Variants in MCCC1 observed in about 807,000 individuals in gnomAD.
MCCC1 encodes the protein methylcrotonyl-CoA carboxylase subunit 1, also known as methylcrotonoyl-CoA carboxylase subunit alpha, mitochondrial.
A neutral mutation model predicts 83.8 loss-of-function variants in MCCC1; 64 were observed. That is an observed-to-expected ratio of 0.76 (90% CI 0.62 to 0.94). The LOEUF is 0.94. MCCC1 is among the 40% of genes least tolerant of loss of function. MCCC1 has a pLI of 0.00. For missense variants in MCCC1, 807 were observed against 904.7 expected, an observed-to-expected ratio of 0.89 and a Z score of 1.39; for synonymous variants, 322 against 315.4, an observed-to-expected ratio of 1.02 and a Z score of -0.22.
At chr3:183,097,739 A>T (rs1718843825) in intron 1 of MCCC1, among the ~76,000 whole-genome samples, 1 of 152,172 alleles carries the variant, frequency 6.6e-6, no homozygotes, top group East Asian at 1.9e-4. Flanking sequence ...TAACAACTCT[A>T]ACACTCTCCA....
intron 11 of MCCC1, among the ~76,000 whole-genome samples, chr3:183,040,556 CAAAAAAA>C (rs59767617): frequency 1.8e-5 from 2 of 112,592 alleles, no homozygotes; most frequent in African/African-American, 7.0e-5. Flanking sequence ...ACTAAAAATA[CAAAAAAA>C]AAAAAAAAAA....
At chr3:183,017,700 A>G (rs1711775846) in intron 17 of MCCC1, 1 of 277,420 alleles carries the variant, frequency 3.6e-6, no homozygotes, top group Admixed American at 5.0e-5. Flanking sequence ...TGGTCAAATC[A>G]GAGGCTTACA....
intron 9 of MCCC1, among the ~76,000 whole-genome samples, chr3:183,048,420 T>C (rs1054648888): frequency 6.6e-6 from 1 of 152,156 alleles, no homozygotes; most frequent in African/African-American, 2.4e-5. Flanking sequence ...AGACTTAAAG[T>C]AAAAACAGAC....
At chr3:183,058,288 T>TCC (rs950867074) in intron 7 of MCCC1, among the ~76,000 whole-genome samples, 1 of 152,118 alleles carries the variant, frequency 6.6e-6, no homozygotes, top group African/African-American at 2.4e-5. Context: ...ACCATTAGTA[T>TCC]CTCAGAAATA....
At chr3:183,095,581 C>T (rs1374329243) in intron 1 of MCCC1, among the ~76,000 whole-genome samples, 4 of 152,130 alleles carry the variant, frequency 2.6e-5, no homozygotes, top group African/African-American at 7.2e-5. Flanking sequence ...CATTATTACT[C>T]TCCTAATGAG....
chr3:183,020,068 A>G, intron 17 of MCCC1, 62 bp downstream of exon 17: 1 of 1,264,998 alleles, frequency 7.9e-7, no homozygotes, highest in Middle Eastern at 1.9e-4. Context: ...ATAAATGACA[A>G]GTTTAACAAA....
chr3:183,041,129 TG>T (rs1226494290), intron 11 of MCCC1, among the ~76,000 whole-genome samples: 1 of 152,272 alleles, frequency 6.6e-6, no homozygotes, highest in Admixed American at 6.5e-5. Flanking sequence ...TATGCTGAAC[TG>T]TGATAGCTCT....
intron 18 of MCCC1, chr3:183,017,034 T>C (rs1479768858): frequency 3.0e-5 from 17 of 561,932 alleles, no homozygotes; most frequent in Non-Finnish European, 4.4e-5. Context: ...TTCCAAGCTA[T>C]TGATAATTTC....
chr3:183,051,877 T>TA (rs1219978784), intron 9 of MCCC1, among the ~76,000 whole-genome samples: 1 of 151,992 alleles, frequency 6.6e-6, no homozygotes, highest in Non-Finnish European at 1.5e-5. Flanking sequence ...CATAAAGAAG[T>TA]AAAAAAATCA....
At chr3:183,083,181 G>A (rs1272649550) in intron 4 of MCCC1, among the ~76,000 whole-genome samples, 1 of 152,140 alleles carries the variant, frequency 6.6e-6, no homozygotes, top group Non-Finnish European at 1.5e-5. Flanking sequence ...CTATACAAGT[G>A]TTATTCAATG....
upstream of MCCC1, among the ~76,000 whole-genome samples, chr3:183,104,043 C>T (rs527930212): frequency 7.2e-5 from 11 of 152,138 alleles, no homozygotes; most frequent in Non-Finnish European, 1.5e-4. Flanking sequence ...ACTCCGAGTG[C>T]GAGGCCCACC....
intron 7 of MCCC1, among the ~76,000 whole-genome samples, chr3:183,062,709 A>T (rs1181397230): frequency 6.6e-6 from 1 of 152,168 alleles, no homozygotes; most frequent in African/African-American, 2.4e-5. Flanking sequence ...TTATAAGGGA[A>T]GTTCAGTGAA....
At chr3:183,054,059 T>C (rs998198120) in intron 8 of MCCC1, among the ~76,000 whole-genome samples, 5 of 147,862 alleles carry the variant, frequency 3.4e-5, no homozygotes, top group African/African-American at 1.3e-4. Context: ...TTTTTATATT[T>C]TTAGTAAAGG....
Position 183,025,676 on chromosome 3 carries a change from CAG to C in MCCC1, c.1731+77_1731+78del. On this transcript the variant is annotated intron_variant, in intron 15 of 18. Transcript: ENST00000265594. ...TAATAGTCAAAGGCTTAAGGGAAAC[CAG>C]AGAGTGAAAGACCCTATTCAGTATA... The C allele has an allele frequency of 4.0e-6, 5 of 1,261,922 alleles. No homozygotes were observed. The South Asian group carries it at 6.0e-5, about 15-fold the overall frequency. The allele number at this position is 1,261,922 out of a possible 1,614,324, so 78.2% of individuals were successfully genotyped here.
chr3:183,094,645 T>A, intron 1 of MCCC1, 40 bp from the exon 2 acceptor site: 1 of 1,575,032 alleles, frequency 6.3e-7, no homozygotes, highest in Non-Finnish European at 8.7e-7. Context: ...TTAAACAGAA[T>A]AGGCAACACA....
chr3:183,041,760 G>T lies in MCCC1; in HGVS notation c.1084-10C>A, dbSNP rs765916863. ...TCTCTCCTGCTGCAATCTGGCAATA[G>T]AATAGTGTTTCTTATGAAATCTACC... On this transcript the variant is annotated splice_polypyrimidine_tract_variant and intron_variant, in intron 10 of 18. Transcript: ENST00000265594. The T allele has an allele frequency of 6.2e-7, 1 of 1,614,120 alleles. No individual in the cohort carries two copies.
rs774624057 is a variant in MCCC1, at chr3:183,017,384, T to C, written c.1978-47A>G. Reference sequence around the variant, plus strand: ...TTAATATTTGAAAACACAGAGGTCCTAGATATGTTCATCTGCTTCATTATA... The same window carrying C: ...TTAATATTTGAAAACACAGAGGTCCCAGATATGTTCATCTGCTTCATTATA... On this transcript the variant is annotated intron_variant, in intron 17 of 18. Coordinates refer to ENST00000265594, the MANE Select transcript of MCCC1 (RefSeq NM_020166.5). The C allele has an allele frequency of 5.3e-5, 83 of 1,573,638 alleles. No homozygotes were observed. The Admixed American group carries it at 1.4e-3, about 26-fold the overall frequency.
chr3:183,060,996 G>A (rs1263172705), intron 7 of MCCC1, among the ~76,000 whole-genome samples: 1 of 152,152 alleles, frequency 6.6e-6, no homozygotes, highest in East Asian at 1.9e-4. Context: ...GAGACAAAGT[G>A]CCTGCGCTCA....
intron 10 of MCCC1, among the ~76,000 whole-genome samples, chr3:183,044,032 T>C (rs1370672517): frequency 6.6e-6 from 1 of 152,160 alleles, no homozygotes; most frequent in African/African-American, 2.4e-5. Flanking sequence ...TAGAAGAACC[T>C]TTTGGCTCAA....
Sources: gnomAD v4.1 joint callset for allele counts (sites outside exome capture counted in the v4.1 genomes callset) on GRCh38, gnomAD v4.1.1 for gene constraint, MANE v1.5 for transcripts, NCBI Gene and HGNC (gene_info 2026-07-23, HGNC 2026-07-21) for gene names.